The following SS18 variants were observed in gnomAD, a reference collection of about 807,000 sequenced individuals.
SS18 encodes SS18 subunit of BAF chromatin remodeling complex.
In SS18, 28 loss-of-function variants were observed where a neutral mutation model predicts 72.5. The observed-to-expected ratio is 0.39, with a 90% CI of 0.29 to 0.53. The LOEUF is 0.53. SS18 is among the 20% of genes least tolerant of loss of function. The pLI, the probability that SS18 is intolerant of heterozygous loss-of-function variation, is 0.76. For synonymous variants in SS18, 172 were observed against 164.2 expected (o/e 1.05, Z -0.37); for missense variants, 518 against 535.3 (o/e 0.97, Z 0.32).
At chr18:26,045,844 G>A (rs1041611919) in intron 5 of SS18, among the ~76,000 whole-genome samples, 1 of 151,948 alleles carries the variant, frequency 6.6e-6, no homozygotes, top group African/African-American at 2.4e-5. Context: ...AAATACATAG[G>A]GAAATGAGAA....
chr18:26,082,316 T>A, intron 2 of SS18: 1 of 873,110 alleles, frequency 1.1e-6, no homozygotes, highest in Non-Finnish European at 1.4e-6. Flanking sequence ...TTGACATAAT[T>A]ACAAAATTAA....
chr18:26,062,986 A>G (rs1780698990), intron 3 of SS18, among the ~76,000 whole-genome samples: 1 of 152,172 alleles, frequency 6.6e-6, no homozygotes, highest in Non-Finnish European at 1.5e-5. Context: ...CTATGAATAT[A>G]AAAAAATTTT....
chr18:26,044,009 A>G (rs926271982), intron 5 of SS18, among the ~76,000 whole-genome samples: 4 of 152,228 alleles, frequency 2.6e-5, no homozygotes, highest in African/African-American at 9.6e-5. Context: ...CATTTCTTCA[A>G]GCTGGTTATT....
At chr18:26,082,451 TA>T in intron 2 of SS18, 1 of 981,552 alleles carries the variant, frequency 1.0e-6, no homozygotes, top group South Asian at 4.7e-5. Flanking sequence ...ACAACTCTTT[TA>T]AATTACGATG....
rs2053283024 is a variant in SS18 at position 26,018,263 on chromosome 18, T to C, written c.*91A>G. On this transcript the variant is annotated 3_prime_UTR_variant, in exon 11 of 11. Transcript: ENST00000415083. ...AGGTTTTTCCAAAAACTAGATGGAATGGAAGGATCTCTTCACAGGGAGGTG... is the reference window on the plus strand; with the variant it reads ...AGGTTTTTCCAAAAACTAGATGGAACGGAAGGATCTCTTCACAGGGAGGTG... The C allele has an allele frequency of 5.4e-6, 6 of 1,116,284 alleles. No homozygotes were observed. Among genetic ancestry groups the C allele is most frequent in the South Asian group, 1.5e-5 (1 of 66,310 alleles). 69.1% of individuals were successfully genotyped at this position (1,116,284 alleles called of 1,614,324 possible).
At chr18:26,055,472 A>G (rs937992557) in intron 4 of SS18, among the ~76,000 whole-genome samples, 2 of 152,126 alleles carry the variant, frequency 1.3e-5, no homozygotes, top group Non-Finnish European at 2.9e-5. Flanking sequence ...TGTCTCAAAA[A>G]GAAAAAAATA....
At chr18:26,055,142 A>C (rs1184090608) in intron 4 of SS18, among the ~76,000 whole-genome samples, 1 of 152,054 alleles carries the variant, frequency 6.6e-6, no homozygotes, top group Non-Finnish European at 1.5e-5. Context: ...TTGGTCCCAT[A>C]GGCATGTATT....
intron 3 of SS18, among the ~76,000 whole-genome samples, chr18:26,070,979 A>C (rs1184999949): frequency 6.6e-6 from 1 of 152,160 alleles, no homozygotes; most frequent in African/African-American, 2.4e-5. Context: ...AAATAGAAAA[A>C]TATATATTAG....
intron 10 of SS18, among the ~76,000 whole-genome samples, chr18:26,024,379 T>C (rs1216226229): frequency 1.3e-5 from 2 of 152,172 alleles, no homozygotes; most frequent in African/African-American, 4.8e-5. Context: ...GCCTGGAGTA[T>C]AGTGACACAA....
chr18:26,090,880 T>A, upstream of SS18: 1 of 394,470 alleles, frequency 2.5e-6, no homozygotes, highest in Non-Finnish European at 4.5e-6. Context: ...TAGTCCTCCC[T>A]CCGCTTCAGC....
chr18:26,088,286 T>C (rs1002188496), intron 1 of SS18, among the ~76,000 whole-genome samples: 2 of 152,170 alleles, frequency 1.3e-5, no homozygotes, highest in Non-Finnish European at 2.9e-5. Flanking sequence ...TTCTAATGCT[T>C]TGGAACAGTA....
At chr18:26,074,170 C>G (rs1359952769) in intron 3 of SS18, among the ~76,000 whole-genome samples, 1 of 151,992 alleles carries the variant, frequency 6.6e-6, no homozygotes, top group Admixed American at 6.6e-5. Context: ...CTTATACTTT[C>G]CAAATCACCA....
intron 3 of SS18, among the ~76,000 whole-genome samples, chr18:26,074,412 C>T (rs1351913055): frequency 6.6e-6 from 1 of 151,728 alleles, no homozygotes; most frequent in Non-Finnish European, 1.5e-5. Flanking sequence ...TTTCTAACTA[C>T]ATGTCTGTGT....
At chr18:26,089,457 G>C (rs2054675335) in intron 1 of SS18, among the ~76,000 whole-genome samples, 1 of 152,244 alleles carries the variant, frequency 6.6e-6, no homozygotes. Flanking sequence ...ACAGTAAACA[G>C]AAACCGATTA....
intron 3 of SS18, among the ~76,000 whole-genome samples, chr18:26,075,925 A>G (rs573162): frequency 6.6e-6 from 1 of 151,928 alleles, no homozygotes; most frequent in Non-Finnish European, 1.5e-5. Flanking sequence ...ATGCAGCTAG[A>G]AAATAAAACT....
chr18:26,066,257 C>T (rs1049031421), intron 3 of SS18, among the ~76,000 whole-genome samples: 2 of 151,882 alleles, frequency 1.3e-5, no homozygotes, highest in Admixed American at 6.6e-5. Context: ...AATAGAGGTA[C>T]TCGATAAATA....
intron 4 of SS18, among the ~76,000 whole-genome samples, chr18:26,055,767 T>G (rs1464701789): frequency 3.4e-3 from 343 of 102,382 alleles, no homozygotes; most frequent in African/African-American, 0.018. Flanking sequence ...TTTTTTTTTG[T>G]TTTTTTTTTT....
intron 5 of SS18, among the ~76,000 whole-genome samples, chr18:26,048,608 C>A (rs1052284294): frequency 6.6e-6 from 1 of 152,146 alleles, no homozygotes; most frequent in Non-Finnish European, 1.5e-5. Flanking sequence ...GCAATACATG[C>A]TCTTTGCCCT....
intron 3 of SS18, chr18:26,068,365 G>A (rs1273104231): frequency 6.6e-6 from 1 of 152,062 alleles, no homozygotes; most frequent in Non-Finnish European, 1.5e-5. Context: ...GGCTTTTATT[G>A]CATAAAAAGC....
Sources: gnomAD v4.1 joint callset for allele counts (sites outside exome capture counted in the v4.1 genomes callset) on GRCh38, gnomAD v4.1.1 for gene constraint, MANE v1.5 for transcripts, NCBI Gene and HGNC (gene_info 2026-07-23, HGNC 2026-07-21) for gene names.